Variants in RANBP2 observed in about 807,000 individuals in gnomAD.
RANBP2 encodes RAN binding protein 2, also known as E3 SUMO-protein ligase RanBP2.
A neutral mutation model predicts 303.6 loss-of-function variants in RANBP2; 57 were observed. The observed-to-expected ratio is 0.19, with a 90% CI of 0.15 to 0.23. The LOEUF (loss-of-function observed/expected upper bound fraction) is 0.23. Ranked by LOEUF, RANBP2 falls within the 10% of genes least tolerant of loss-of-function variation. RANBP2 has a pLI of 1.00. For missense variants in RANBP2, 3,138 were observed against 3,780.8 expected (o/e 0.83, Z 4.46); for synonymous variants, 1,167 against 1,301.5 (o/e 0.90, Z 2.23).
chr2:108,876,466 A>T, the RANBP2 span: 4 of 339,534 alleles, frequency 1.2e-5, no homozygotes, highest in South Asian at 1.3e-4. Flanking sequence ...AATATACAAG[A>T]TGGCGTTTCT....
At chr2:108,937,891 G>A in the RANBP2 span, among the ~76,000 whole-genome samples, 2 of 152,324 alleles carry the variant, frequency 1.3e-5, no homozygotes, top group East Asian at 1.9e-4. Flanking sequence ...CCCAAAAGAC[G>A]TGGACAGAGG....
the RANBP2 span, among the ~76,000 whole-genome samples, chr2:109,679,708 A>G: frequency 2.2e-4 from 34 of 152,180 alleles, no homozygotes; most frequent in African/African-American, 7.5e-4. Flanking sequence ...AGCAATTCCC[A>G]GGGCATCTTG....
chr2:108,736,121 A>T lies in RANBP2; in HGVS notation c.654A>T (p.Leu218Phe). ...VQTLKEYLES[L>F]QCLESDKSDW... is the part of the protein sequence containing the mutation. ...CAAAATAGGAATATCTGGAGTCTTTACAGTGTTTGGAGTCTGATAAAAGTG... is the reference window on the plus strand; with the variant it reads ...CAAAATAGGAATATCTGGAGTCTTTTCAGTGTTTGGAGTCTGATAAAAGTG... Residue 218 changes from leucine to phenylalanine, a missense_variant, in exon 6 of 29, where the codon TTA (leucine) becomes TTT (phenylalanine). Coordinates refer to ENST00000283195, the MANE Select transcript of RANBP2 (RefSeq NM_006267.5). 1 of 1,611,918 alleles carries T rather than the reference A, an allele frequency of 6.2e-7. No homozygotes were observed. Among genetic ancestry groups the T allele is most frequent in the Non-Finnish European group, 8.5e-7 (1 of 1,179,828 alleles).
chr2:109,302,676 T>C, the RANBP2 span, among the ~76,000 whole-genome samples: 2 of 152,210 alleles, frequency 1.3e-5, no homozygotes, highest in Non-Finnish European at 2.9e-5. Flanking sequence ...TCTGGAGTTT[T>C]CCACAGTCCT....
chr2:109,674,321 C>A, the RANBP2 span, among the ~76,000 whole-genome samples: 1 of 149,780 alleles, frequency 6.7e-6, no homozygotes, highest in Admixed American at 6.8e-5. Context: ...TACTAGCGGT[C>A]CCAGGTACTT....
the RANBP2 span, chr2:109,615,874 G>A: frequency 6.2e-7 from 1 of 1,613,942 alleles, no homozygotes; most frequent in East Asian, 2.2e-5. Context: ...AAAGCCTCGG[G>A]CAGCTCTAGT....
the RANBP2 span, among the ~76,000 whole-genome samples, chr2:108,914,886 C>T: frequency 3.3e-5 from 5 of 152,260 alleles, no homozygotes; most frequent in East Asian, 1.9e-4. Context: ...GCAAGGCTTC[C>T]GGGAGAAGCA....
chr2:109,412,939 C>G, the RANBP2 span, among the ~76,000 whole-genome samples: 4 of 152,322 alleles, frequency 2.6e-5, no homozygotes, highest in Admixed American at 2.0e-4. Flanking sequence ...CTACATGGCC[C>G]TCCAGGCCTG....
chr2:109,141,859 C>T, the RANBP2 span, among the ~76,000 whole-genome samples: 1 of 152,066 alleles, frequency 6.6e-6, no homozygotes, highest in African/African-American at 2.4e-5. Flanking sequence ...ACCCATGGGA[C>T]CCCCCAGATG....
the RANBP2 span, among the ~76,000 whole-genome samples, chr2:109,178,112 A>G: frequency 1.3e-5 from 2 of 152,184 alleles, no homozygotes; most frequent in East Asian, 3.9e-4. Context: ...TTCTATATCC[A>G]TATCAATCTG....
At chr2:108,727,021 C>T (rs1371480735) in intron 1 of RANBP2, among the ~76,000 whole-genome samples, 2 of 152,100 alleles carry the variant, frequency 1.3e-5, no homozygotes, top group African/African-American at 4.8e-5. Context: ...GAAAAGTCTC[C>T]CATGTCTACT....
chr2:109,220,224 T>C, the RANBP2 span, among the ~76,000 whole-genome samples: 2 of 152,220 alleles, frequency 1.3e-5, no homozygotes, highest in African/African-American at 4.8e-5. Context: ...GATATTCTTA[T>C]GCAAAACAAT....
At chr2:109,526,318 A>T in the RANBP2 span, among the ~76,000 whole-genome samples, 2 of 151,534 alleles carry the variant, frequency 1.3e-5, no homozygotes, top group African/African-American at 2.4e-5. Context: ...TTTATTTTTT[A>T]TTTTTTTGAG....
the RANBP2 span, among the ~76,000 whole-genome samples, chr2:109,341,063 G>A: frequency 9.9e-4 from 150 of 152,278 alleles, 1 homozygote; most frequent in Admixed American, 2.7e-3. Context: ...GGCAAGTCGT[G>A]TTTTCATCCT....
the RANBP2 span, among the ~76,000 whole-genome samples, chr2:109,560,583 T>C: frequency 2.2e-4 from 34 of 152,302 alleles, no homozygotes; most frequent in African/African-American, 6.5e-4. Context: ...CTTTGGCCCA[T>C]TGCTTTTCTG....
chr2:108,814,241 A>G, the RANBP2 span, among the ~76,000 whole-genome samples: 1 of 152,216 alleles, frequency 6.6e-6, no homozygotes, highest in Non-Finnish European at 1.5e-5. Flanking sequence ...ACAGTGTATC[A>G]AAGTTTTGGT....
the RANBP2 span, among the ~76,000 whole-genome samples, chr2:109,673,409 AT>A: frequency 6.6e-6 from 1 of 152,194 alleles, no homozygotes; most frequent in Non-Finnish European, 1.5e-5. Flanking sequence ...CACAGACCCC[AT>A]TTTGGGAGAA....
At chr2:109,393,553 G>C in the RANBP2 span, among the ~76,000 whole-genome samples, 59 of 152,234 alleles carry the variant, frequency 3.9e-4, no homozygotes, top group South Asian at 0.012. Flanking sequence ...TTTGTTTTCC[G>C]AATGGTGCAT....
intron 1 of RANBP2, among the ~76,000 whole-genome samples, chr2:108,721,710 G>C (rs1274880181): frequency 6.6e-6 from 1 of 151,930 alleles, no homozygotes. Flanking sequence ...ACTTCCCAAA[G>C]TGTTGGGATT....
Sources: gnomAD v4.1 joint callset for allele counts (sites outside exome capture counted in the v4.1 genomes callset) on GRCh38, gnomAD v4.1.1 for gene constraint, MANE v1.5 for transcripts, NCBI Gene and HGNC (gene_info 2026-07-23, HGNC 2026-07-21) for gene names.